Variants in CAPZA2 observed in about 807,000 individuals in gnomAD.
CAPZA2 encodes the protein F-actin-capping protein subunit alpha-2.
Under a neutral mutation model 44.0 loss-of-function variants are expected in CAPZA2, and 13 were observed. The observed-to-expected ratio is 0.30, with a 90% confidence interval of 0.19 to 0.47. The LOEUF is 0.47. Ranked by LOEUF, CAPZA2 falls within the 20% of genes least tolerant of loss-of-function variation. CAPZA2 has a pLI of 1.00. For missense variants in CAPZA2, 244 were observed against 338.6 expected (o/e 0.72, Z 2.19); for synonymous variants, 94 against 108.2 (o/e 0.87, Z 0.81).
At chr7:116,874,761 C>G (rs1796600405) in intron 1 of CAPZA2, 1 of 152,224 alleles carries the variant, frequency 6.6e-6, no homozygotes, top group Non-Finnish European at 1.5e-5. Flanking sequence ...TCCTTTCTCT[C>G]CTAAGGGAAG....
At chr7:116,903,499 C>G (rs1013146350) in intron 4 of CAPZA2, among the ~76,000 whole-genome samples, 10 of 151,868 alleles carry the variant, frequency 6.6e-5, no homozygotes, top group Non-Finnish European at 1.2e-4. Context: ...ATGGATAAGT[C>G]CCGACATAGC....
chr7:116,886,071 A>T (rs1157904477), intron 1 of CAPZA2: 1 of 154,812 alleles, frequency 6.5e-6, no homozygotes, highest in Non-Finnish European at 1.5e-5. Flanking sequence ...TCTATGATTG[A>T]TGTCAGATAC....
intron 1 of CAPZA2, among the ~76,000 whole-genome samples, chr7:116,865,141 C>CA (rs946795501): frequency 6.7e-6 from 1 of 149,342 alleles, no homozygotes; most frequent in African/African-American, 2.5e-5. Context: ...TGTCTTAGTC[C>CA]AACGTTGATG....
chr7:116,862,684 A>C (rs922235320), intron 1 of CAPZA2, 34 bp downstream of exon 1: 4 of 1,515,702 alleles, frequency 2.6e-6, no homozygotes, highest in Non-Finnish European at 3.5e-6. Flanking sequence ...GCGGGCTGTC[A>C]GGAGCCGGCT....
chr7:116,872,740 C>T (rs1796568573), intron 1 of CAPZA2, among the ~76,000 whole-genome samples: 1 of 152,302 alleles, frequency 6.6e-6, no homozygotes, highest in East Asian at 1.9e-4. Context: ...TGGAAAAGTG[C>T]ATAGTGGCTC....
In CAPZA2 at chr7:116,921,187, C is replaced by T. The variant is rs1028030391; in HGVS notation, c.*3320C>T. The T allele has an allele frequency of 1.3e-5, 2 of 151,974 alleles. No individual in the cohort carries two copies. The highest frequency in any genetic ancestry group is 2.9e-5 in the Non-Finnish European group (2 of 68,088). 9.4% of individuals were successfully genotyped at this position (151,974 alleles called of 1,614,324 possible). A position where few individuals can be genotyped will look rare whatever the true frequency, so the allele number is the denominator to read the frequency against. On this transcript the variant is annotated 3_prime_UTR_variant, in exon 10 of 10. Coordinates refer to ENST00000361183, the MANE Select transcript of CAPZA2 (RefSeq NM_006136.3). ...GATCATGAGGTCCAGAGATCAAGAC[C>T]ATCCTGGCCAATATGGTGCAACCCC...
chr7:116,904,182 G>A lies in CAPZA2; in HGVS notation c.225G>A (p.Leu75=). 3.1e-6 allele frequency: 5 copies of A among 1,604,864 alleles called. No homozygotes were observed. Among genetic ancestry groups the A allele is most frequent in the Non-Finnish European group, 4.3e-6 (5 of 1,172,972 alleles). Residue 75 remains leucine (L), a synonymous_variant, in exon 5 of 10, where the codon TTG becomes TTA. Coordinates refer to ENST00000361183, the MANE Select transcript of CAPZA2 (RefSeq NM_006136.3). The stretch of plus-strand genomic sequence containing the variant: ...AATTCATTCCATCATCAAAGGTATT[G>A]ATAACAGAACATGGCGACTTGGGAA... ...VKIEGYEDQV[L]ITEHGDLGNG...
intron 1 of CAPZA2, chr7:116,875,268 C>G (rs1796607076): frequency 6.6e-6 from 1 of 151,808 alleles, no homozygotes; most frequent in Non-Finnish European, 1.5e-5. Flanking sequence ...GCAAAGTGTT[C>G]ATTTTTGAGG....
intron 4 of CAPZA2, among the ~76,000 whole-genome samples, chr7:116,902,347 A>T (rs942229984): frequency 1.3e-5 from 2 of 152,292 alleles, no homozygotes; most frequent in East Asian, 1.9e-4. Context: ...TGTAGAATGA[A>T]GCCTATCTTA....
chr7:116,912,037 A>G, intron 7 of CAPZA2, 32 bp from the exon 8 acceptor site: 1 of 1,609,518 alleles, frequency 6.2e-7, no homozygotes, highest in Non-Finnish European at 8.5e-7. Flanking sequence ...TGATTCCTGT[A>G]ATGTGGTTTC....
intron 1 of CAPZA2, among the ~76,000 whole-genome samples, chr7:116,877,800 C>T (rs963855141): frequency 3.3e-5 from 5 of 152,092 alleles, no homozygotes; most frequent in Admixed American, 6.5e-5. Context: ...GGGGAACCAT[C>T]GAGTGATCTT....
intron 7 of CAPZA2, among the ~76,000 whole-genome samples, chr7:116,911,722 G>A (rs1385818559): frequency 6.6e-6 from 1 of 152,156 alleles, no homozygotes; most frequent in Non-Finnish European, 1.5e-5. Context: ...TTAAATGGTT[G>A]GTGGAAATAC....
At chr7:116,903,233 A>AGAGAGT (rs372696249) in intron 4 of CAPZA2, among the ~76,000 whole-genome samples, 3 of 146,340 alleles carry the variant, frequency 2.1e-5, no homozygotes, top group African/African-American at 7.5e-5. Flanking sequence ...TGCAGAGAAG[A>AGAGAGT]GTGTGTGTGT....
intron 1 of CAPZA2, among the ~76,000 whole-genome samples, chr7:116,872,906 C>G (rs1213967174): frequency 1.3e-5 from 2 of 152,154 alleles, no homozygotes; most frequent in Non-Finnish European, 2.9e-5. Context: ...TATCTGGTCA[C>G]CTTTCAGAAT....
intron 1 of CAPZA2, among the ~76,000 whole-genome samples, chr7:116,887,632 G>T (rs913912917): frequency 6.6e-5 from 10 of 152,118 alleles, no homozygotes; most frequent in African/African-American, 2.4e-4. Flanking sequence ...AGGAGTTGAA[G>T]ACCAGCTTGG....
intron 9 of CAPZA2, 78 bp from the exon 10 acceptor site, chr7:116,917,649 T>C (rs977141729): frequency 2.0e-6 from 2 of 1,014,900 alleles, no homozygotes; most frequent in Non-Finnish European, 3.1e-6. Flanking sequence ...ATAAAACTTA[T>C]TCTGAAAACA....
At chr7:116,868,461 G>A (rs867187137) in intron 1 of CAPZA2, among the ~76,000 whole-genome samples, 2 of 152,054 alleles carry the variant, frequency 1.3e-5, no homozygotes, top group African/African-American at 2.4e-5. Context: ...GGCTGGGCGC[G>A]GTGACTCACA....
chr7:116,911,999 A>G (rs1457036241), intron 7 of CAPZA2, 70 bp from the exon 8 acceptor site: 1 of 1,596,916 alleles, frequency 6.3e-7, no homozygotes, highest in East Asian at 2.3e-5. Context: ...CTGCATTGAT[A>G]TGCTTGTTGA....
intron 3 of CAPZA2, 41 bp from the exon 4 acceptor site, chr7:116,898,730 TA>T: frequency 3.8e-6 from 5 of 1,333,048 alleles, no homozygotes; most frequent in Non-Finnish European, 5.2e-6. Flanking sequence ...TAAAAAACAT[TA>T]AATATATAAT....
Sources: gnomAD v4.1 joint callset for allele counts (sites outside exome capture counted in the v4.1 genomes callset) on GRCh38, gnomAD v4.1.1 for gene constraint, MANE v1.5 for transcripts, NCBI Gene and HGNC (gene_info 2026-07-23, HGNC 2026-07-21) for gene names.